NLRP14: variants seen among roughly 807,000 people sequenced by gnomAD.
NLRP14 encodes NACHT, LRR and PYD domains-containing protein 14.
Under a neutral mutation model 94.7 loss-of-function variants are expected in NLRP14, and 105 were observed. The ratio of observed to expected loss-of-function variants is 1.11; its 90% CI spans 0.95 to 1.30. NLRP14 has a LOEUF of 1.30. NLRP14 is among the 50% of genes most tolerant of loss of function. NLRP14 has a pLI of 0.00. For missense variants in NLRP14, 1,362 were observed against 1,254.1 expected, an observed-to-expected ratio of 1.09 and a Z score of -1.30; for synonymous variants, 508 against 459.9, an observed-to-expected ratio of 1.10 and a Z score of -1.34.
chr11:7,053,336 G>C (rs945861995), intron 6 of NLRP14, among the ~76,000 whole-genome samples: 31 of 151,724 alleles, frequency 2.0e-4, no homozygotes, highest in African/African-American at 7.2e-4. Flanking sequence ...CAAACAATGT[G>C]ATACCTCAAA....
chr11:7,045,406 T>G (rs1037432707), intron 4 of NLRP14, among the ~76,000 whole-genome samples: 1 of 152,086 alleles, frequency 6.6e-6, no homozygotes, highest in Admixed American at 6.6e-5. Context: ...AGTACTAGAG[T>G]TGATTGTTGC....
At chr11:7,037,013 C>T (rs1852171508) in intron 1 of NLRP14, among the ~76,000 whole-genome samples, 1 of 152,040 alleles carries the variant, frequency 6.6e-6, no homozygotes, top group South Asian at 2.1e-4. Context: ...AGAGAGCGCC[C>T]CTCATTTGTT....
intron 3 of NLRP14, among the ~76,000 whole-genome samples, chr11:7,041,350 CCTA>C (rs1852245749): frequency 6.6e-6 from 1 of 152,134 alleles, no homozygotes; most frequent in Non-Finnish European, 1.5e-5. Context: ...CATCCCCAAT[CCTA>C]CTATTCAGAA....
intron 3 of NLRP14, among the ~76,000 whole-genome samples, chr11:7,040,536 C>T (rs1481863872): frequency 6.6e-6 from 1 of 152,168 alleles, no homozygotes; most frequent in Non-Finnish European, 1.5e-5. Context: ...GAAACTGGCC[C>T]CTGGTGCCCA....
the NLRP14 span, chr11:7,089,389 A>G: frequency 6.3e-7 from 1 of 1,599,450 alleles, no homozygotes; most frequent in South Asian, 1.1e-5. Context: ...CCGGCGTTCG[A>G]GAGCAGCCGG....
chr11:7,042,870 G>A lies in NLRP14; in HGVS notation c.844G>A (p.Glu282Lys). 6.2e-7 allele frequency: 1 copy of A among 1,614,146 alleles called. No homozygotes were observed. The highest frequency in any genetic ancestry group is 8.5e-7 in the Non-Finnish European group (1 of 1,180,038). The change falls in exon 4 of 12, where the codon GAA becomes AAA. Residue 282 changes from glutamate to lysine, a missense_variant. Coordinates refer to ENST00000299481, the MANE Select transcript of NLRP14 (RefSeq NM_176822.4). Reference sequence around the variant, plus strand: ...TGCACTGTGCGAAGACTGGACCCAAGAACACCCAGTGTCCTTCCTCATGAG... The same window carrying A: ...TGCACTGTGCGAAGACTGGACCCAAAAACACCCAGTGTCCTTCCTCATGAG... ...EFALCEDWTQ[E>K]HPVSFLMSSL... is the part of the protein sequence containing the mutation.
rs1201266816 is a variant in NLRP14, at chr11:7,043,952, G to T, written c.1926G>T (p.Lys642Asn). The change falls in exon 4 of 12, where the codon AAG (lysine) becomes AAT (asparagine). Residue 642 changes from lysine (K) to asparagine (N), a missense_variant. Transcript: ENST00000299481. ...RLSVTVVFEK[K>N]ILKTSLPTNT... ...CTGTAACTGTGGTATTTGAGAAGAA[G>T]ATATTAAAAACAAGCCTCCCAACTA... The T allele has an allele frequency of 6.2e-7, 1 of 1,614,176 alleles. No individual in the cohort carries two copies. The highest frequency in any genetic ancestry group is 2.2e-5 in the East Asian group (1 of 44,878).
intron 9 of NLRP14, among the ~76,000 whole-genome samples, 191 bp from the exon 10 acceptor site, chr11:7,062,142 C>T (rs1589871565): frequency 6.6e-6 from 1 of 151,856 alleles, no homozygotes. Context: ...ACAGTTTTAC[C>T]TGCTGGTTTA....
intron 10 of NLRP14, among the ~76,000 whole-genome samples, chr11:7,069,943 A>G (rs1852766443): frequency 9.9e-5 from 15 of 152,208 alleles, no homozygotes; most frequent in Admixed American, 9.2e-4. Context: ...TTGCTTTTTA[A>G]ACACTCACTA....
At chr11:7,081,861 A>G in the NLRP14 span, among the ~76,000 whole-genome samples, 1 of 152,200 alleles carries the variant, frequency 6.6e-6, no homozygotes, top group South Asian at 2.1e-4. Flanking sequence ...GTGATTAAAC[A>G]CAACCTCTAG....
At chr11:7,062,592 A>G in intron 10 of NLRP14, 89 bp downstream of exon 10, 8 of 1,154,496 alleles carry the variant, frequency 6.9e-6, no homozygotes, top group Non-Finnish European at 1.0e-5. Flanking sequence ...AGAGGATAAA[A>G]ACTAAATGGG....
chr11:7,049,648 T>G (rs1852412840), intron 5 of NLRP14, 23 bp from the exon 6 acceptor site: 1 of 1,569,168 alleles, frequency 6.4e-7, no homozygotes, highest in Non-Finnish European at 8.8e-7. Flanking sequence ...TTGTAATACC[T>G]CCTGCATATT....
chr11:7,026,642 C>A (rs887425991), intron 1 of NLRP14, among the ~76,000 whole-genome samples: 1 of 151,862 alleles, frequency 6.6e-6, no homozygotes, highest in Non-Finnish European at 1.5e-5. Context: ...TTGACCCAGC[C>A]ATCCCATTAC....
rs1361677313 is a variant in NLRP14 at position 7,070,475 on chromosome 11, C to T, written c.3146+19C>T. The T allele has an allele frequency of 1.3e-6, 2 of 1,589,862 alleles. No individual in the cohort carries two copies. Among genetic ancestry groups the T allele is most frequent in the Admixed American group, 1.7e-5 (1 of 59,928 alleles). On this transcript the variant is annotated intron_variant, in intron 11 of 11. Transcript: ENST00000299481. ...TTCTAGGGTAAGTCTCCATTGGCTT[C>T]TCAGGGGGAGCATTTCCTATAATGA... is the stretch of plus-strand genomic sequence containing the variant.
chr11:7,038,551 T>C lies in NLRP14; in HGVS notation c.-21-15T>C. ...TTATTCCATGTGCTTTTGGTTATTTTTTTTCCCCCCACAGAGGCCTGAATA... is the reference window on the plus strand; with the variant it reads ...TTATTCCATGTGCTTTTGGTTATTTCTTTTCCCCCCACAGAGGCCTGAATA... On this transcript the variant is annotated splice_polypyrimidine_tract_variant and intron_variant, in intron 1 of 11. Coordinates refer to ENST00000299481, the MANE Select transcript of NLRP14 (RefSeq NM_176822.4). The C allele has an allele frequency of 3.1e-6, 5 of 1,605,142 alleles. No homozygotes were observed. The highest frequency in any genetic ancestry group is 1.7e-5 in the Admixed American group (1 of 60,000).
intron 6 of NLRP14, among the ~76,000 whole-genome samples, chr11:7,056,275 C>A (rs1033562177): frequency 2.0e-5 from 3 of 151,522 alleles, no homozygotes; most frequent in Non-Finnish European, 2.9e-5. Context: ...AAAGTACAGA[C>A]TTAATAGTAG....
At chr11:7,046,324 T>G (rs953756017) in intron 4 of NLRP14, among the ~76,000 whole-genome samples, 2 of 152,230 alleles carry the variant, frequency 1.3e-5, no homozygotes, top group African/African-American at 4.8e-5. Context: ...AATCATATTC[T>G]TTGTGACCAA....
At chr11:7,079,761 G>T in the NLRP14 span, among the ~76,000 whole-genome samples, 5 of 152,226 alleles carry the variant, frequency 3.3e-5, no homozygotes, top group African/African-American at 1.2e-4. Context: ...AGAGCACATA[G>T]AACAAAGGAA....
chr11:7,082,728 A>C, the NLRP14 span, among the ~76,000 whole-genome samples: 3 of 152,244 alleles, frequency 2.0e-5, no homozygotes, highest in Non-Finnish European at 4.4e-5. Flanking sequence ...CATTAGGTTC[A>C]GCCACTGTGC....
Sources: allele counts gnomAD v4.1 joint callset (sites outside exome capture counted in the v4.1 genomes callset), GRCh38; gene constraint gnomAD v4.1.1; transcripts MANE v1.5; gene names NCBI Gene and HGNC (gene_info 2026-07-23, HGNC 2026-07-21).